Variants in SUN1 observed in about 807,000 individuals in gnomAD.
SUN1 encodes Sad1 and UNC84 domain containing 1, also known as SUN domain-containing protein 1.
Under a neutral mutation model 103.2 loss-of-function variants are expected in SUN1, and 61 were observed. The observed-to-expected ratio is 0.59, with a 90% CI of 0.48 to 0.73. The LOEUF (loss-of-function observed/expected upper bound fraction) is 0.73. SUN1 is among the 30% of genes least tolerant of loss of function. The pLI is 0.00. For missense variants in SUN1, 1,052 were observed against 1,034.6 expected (o/e 1.02, Z -0.23); for synonymous variants, 490 against 425.7 (o/e 1.15, Z -1.86).
chr7:861,512 G>A, intron 15 of SUN1, 48 bp downstream of exon 15: 1 of 1,596,922 alleles, frequency 6.3e-7, no homozygotes, highest in Non-Finnish European at 8.6e-7. Context: ...TCACCTGTTA[G>A]CAGGGGTGTG....
intron 9 of SUN1, 189 bp downstream of exon 9, chr7:853,141 C>G (rs946480384): frequency 1.3e-6 from 1 of 797,852 alleles, no homozygotes; most frequent in African/African-American, 1.7e-5. Flanking sequence ...TTAAAGTACT[C>G]TCATGATTCA....
At chr7:815,680 A>C (rs1238919898), upstream of SUN1, among the ~76,000 whole-genome samples, 1 of 152,258 alleles carries the variant, frequency 6.6e-6, no homozygotes, top group Non-Finnish European at 1.5e-5. Flanking sequence ...GACGCGGTGC[A>C]GTCCCCAGCA....
At chr7:856,231 AG>A in intron 11 of SUN1, 126 bp from the exon 12 acceptor site, 1 of 908,576 alleles carries the variant, frequency 1.1e-6, no homozygotes, top group South Asian at 1.6e-5. Context: ...TGCCACCCAC[AG>A]GCAGATCTGG....
intron 5 of SUN1, chr7:849,850 G>C: frequency 6.9e-7 from 1 of 1,457,480 alleles, no homozygotes; most frequent in Non-Finnish European, 9.4e-7. Flanking sequence ...GACTGCCATT[G>C]CTATGCACGG....
chr7:832,496 C>T lies in SUN1; in HGVS notation c.-29C>T, dbSNP rs1238713843. ...AAAACACTCTGCATTTCTTTCCCGC[C>T]CTCTGCAGTATGGTTTGAAGTGGTG... On this transcript the variant is annotated 5_prime_UTR_variant, in exon 1 of 19. Transcript: ENST00000401592. 3 of 1,606,532 alleles carry T rather than the reference C, an allele frequency of 1.9e-6. No homozygotes were observed. Among genetic ancestry groups the T allele is most frequent in the African/African-American group, 2.7e-5 (2 of 74,878 alleles).
rs938333957 is a variant in SUN1 at position 874,393 on chromosome 7, A to G, written c.*1062A>G. 1 of 152,672 alleles carries G rather than the reference A, an allele frequency of 6.5e-6. No homozygotes were observed. Among genetic ancestry groups the G allele is most frequent in the Non-Finnish European group, 1.5e-5 (1 of 68,046 alleles). The allele number at this position is 152,672 out of a possible 1,614,324, so 9.5% of individuals were successfully genotyped here. ...GACTATTTTACTGAGCAGACTTTAT[A>G]AATGAGATATCTACAAGGCACTTAA... On this transcript the variant is annotated 3_prime_UTR_variant, in exon 19 of 19. Transcript: ENST00000401592.
chr7:816,848 C>G (rs928962328), intron 1 of SUN1: 1 of 150,034 alleles, frequency 6.7e-6, no homozygotes, highest in Admixed American at 6.6e-5. Flanking sequence ...GTCCCGCGCC[C>G]CGCAGCTACC....
chr7:843,426 C>T lies in SUN1; in HGVS notation c.564C>T (p.Cys188=). The change falls in exon 5 of 19, where the codon TGC becomes TGT. Residue 188 remains cysteine (C), a synonymous_variant. Coordinates refer to ENST00000401592, the MANE Select transcript of SUN1 (RefSeq NM_001130965.3). The part of the protein sequence containing the change: ...TAHNGFSCSN[C]SMLSERKDVL... ...ACAACGGCTTCTCCTGCAGCAACTG[C>T]AGCATGCTGTCCGAGCGCAAGGACG... 1 of 1,614,018 alleles carries T rather than the reference C, an allele frequency of 6.2e-7. No homozygotes were observed. Among genetic ancestry groups the T allele is most frequent in the South Asian group, 1.1e-5 (1 of 91,058 alleles).
At chr7:866,382 C>A (rs545966509) in intron 16 of SUN1, among the ~76,000 whole-genome samples, 8 of 152,260 alleles carry the variant, frequency 5.3e-5, no homozygotes, top group African/African-American at 1.4e-4. Flanking sequence ...TGTTCCTGCT[C>A]GGGCCGTGGG....
At chr7:827,422 G>A (rs1009641148) in intron 1 of SUN1, among the ~76,000 whole-genome samples, 1 of 150,882 alleles carries the variant, frequency 6.6e-6, no homozygotes, top group Non-Finnish European at 1.5e-5. Flanking sequence ...ATTCTGAATA[G>A]TAGACTCAAG....
At chr7:848,690 G>C (rs754096129) in intron 5 of SUN1, 14 of 1,103,740 alleles carry the variant, frequency 1.3e-5, no homozygotes, top group Non-Finnish European at 6.0e-6. Context: ...GACTTTCCTC[G>C]CCAGGCGCCT....
Position 873,583 on chromosome 7 carries a change from CTTGTTT to C in SUN1, c.*255_*260del. The C allele has an allele frequency of 2.4e-6, 1 of 421,008 alleles. No homozygotes were observed. 26.1% of individuals were successfully genotyped at this position (421,008 alleles called of 1,614,324 possible). A position where few individuals can be genotyped will look rare whatever the true frequency, so the allele number is the denominator to read the frequency against. On this transcript the variant is annotated 3_prime_UTR_variant, in exon 19 of 19. Transcript: ENST00000401592. ...TTGAACACGTGGCTCTCAGACACTC[CTTGTTT>C]TTAACGGGAAGCTCTTTGCATTTGC...
At chr7:849,993 C>G (rs751056594) in intron 5 of SUN1, 4 of 1,601,118 alleles carry the variant, frequency 2.5e-6, no homozygotes, top group Non-Finnish European at 3.4e-6. Flanking sequence ...CACGGCTGCC[C>G]GGTCGGGCAG....
intron 1 of SUN1, chr7:817,528 C>T: frequency 6.5e-7 from 1 of 1,535,392 alleles, no homozygotes; most frequent in Non-Finnish European, 8.7e-7. Context: ...GGTCTCTGCT[C>T]TCGCTTTGCA....
At chr7:852,786 T>C (rs1562707709) in intron 8 of SUN1, 24 bp from the exon 9 acceptor site, 8 of 1,611,298 alleles carry the variant, frequency 5.0e-6, no homozygotes, top group Non-Finnish European at 5.9e-6. Flanking sequence ...TACCTGTGTG[T>C]GTGTGGTGGC....
At chr7:831,604 C>G (rs1798073020), upstream of SUN1, among the ~76,000 whole-genome samples, 1 of 152,196 alleles carries the variant, frequency 6.6e-6, no homozygotes, top group Non-Finnish European at 1.5e-5. Flanking sequence ...TTTCATCATG[C>G]TTGTCGATAC....
At chr7:823,273 A>T (rs1788138129) in intron 1 of SUN1, among the ~76,000 whole-genome samples, 1 of 152,222 alleles carries the variant, frequency 6.6e-6, no homozygotes, top group South Asian at 2.1e-4. Flanking sequence ...AGAAATAATC[A>T]TTATGATTTG....
chr7:828,263 T>A (rs1334397089), upstream of SUN1, among the ~76,000 whole-genome samples: 5 of 121,722 alleles, frequency 4.1e-5, no homozygotes, highest in Non-Finnish European at 8.4e-5. Context: ...TGTTTTTGTT[T>A]TTTGTTTTTG....
intron 1 of SUN1, among the ~76,000 whole-genome samples, chr7:835,123 T>C (rs1801755911): frequency 6.6e-6 from 1 of 152,212 alleles, no homozygotes; most frequent in African/African-American, 2.4e-5. Context: ...AAAATGATAA[T>C]ATGCAGGTTG....
Sources: gnomAD v4.1 joint callset for allele counts (sites outside exome capture counted in the v4.1 genomes callset) on GRCh38, gnomAD v4.1.1 for gene constraint, MANE v1.5 for transcripts, NCBI Gene and HGNC (gene_info 2026-07-23, HGNC 2026-07-21) for gene names.